The following ANGPT1 variants were observed in gnomAD, a reference collection of about 807,000 sequenced individuals.
ANGPT1 encodes angiopoietin 1, also known as angiopoietin-1.
Under a neutral mutation model 62.2 loss-of-function variants are expected in ANGPT1, and 17 were observed. The observed-to-expected ratio is 0.27, with a 90% CI of 0.19 to 0.41. The LOEUF is 0.41. Ranked by LOEUF, ANGPT1 falls within the 10% of genes least tolerant of loss-of-function variation. The probability of loss-of-function intolerance (pLI) is 1.00; values close to 1 mark genes in which losing one functional copy is unlikely to be tolerated. For missense variants in ANGPT1, 478 were observed against 594.9 expected (o/e 0.80, Z 2.04); for synonymous variants, 199 against 198.9 (o/e 1.00, Z 0.00).
intron 1 of ANGPT1, among the ~76,000 whole-genome samples, chr8:107,404,926 T>C (rs527256765): frequency 1.3e-5 from 2 of 152,188 alleles, no homozygotes; most frequent in South Asian, 2.1e-4. Flanking sequence ...AGTAGTGACA[T>C]TGAACTTCTT....
chr8:107,437,059 G>T lies in ANGPT1; in HGVS notation c.297+60203C>A, dbSNP rs1445295953. Among the ~76,000 whole-genome samples, 7 of 152,106 alleles carry T rather than the reference G, an allele frequency of 4.6e-5. No individual in the cohort carries two copies. In the South Asian group the frequency reaches 6.2e-4, roughly 14 times the overall value. On this transcript the variant is annotated intron_variant, in intron 1 of 8. Coordinates refer to ENST00000517746, the MANE Select transcript of ANGPT1 (RefSeq NM_001146.5). ...ATAGTTACATTTCACACCAGGAACT[G>T]CTGGTTGGGTCAGAAACTGAGGGAC...
At chr8:107,336,092 A>T in intron 3 of ANGPT1, 58 bp downstream of exon 3, 1 of 1,479,088 alleles carries the variant, frequency 6.8e-7, no homozygotes, top group Non-Finnish European at 9.0e-7. Context: ...GTTGGCAGAG[A>T]GGTGAAGGAT....
intron 1 of ANGPT1, among the ~76,000 whole-genome samples, chr8:107,373,501 G>A (rs559559134): frequency 7.2e-5 from 11 of 152,262 alleles, no homozygotes; most frequent in African/African-American, 2.6e-4. Context: ...CTGTCATGTT[G>A]GAAGAAGGAA....
chr8:107,309,272 T>C (rs1457009180), intron 4 of ANGPT1, among the ~76,000 whole-genome samples: 1 of 152,180 alleles, frequency 6.6e-6, no homozygotes, highest in Non-Finnish European at 1.5e-5. Flanking sequence ...TCAAGGATAG[T>C]CCTTGAGACA....
chr8:107,279,960 G>A (rs1445802005), intron 7 of ANGPT1, among the ~76,000 whole-genome samples: 1 of 151,772 alleles, frequency 6.6e-6, no homozygotes, highest in East Asian at 1.9e-4. Context: ...GGTTGAGAAG[G>A]GAGAGGTCCC....
chr8:107,418,601 T>C (rs1250029407), intron 1 of ANGPT1, among the ~76,000 whole-genome samples: 2 of 152,184 alleles, frequency 1.3e-5, no homozygotes, highest in Non-Finnish European at 2.9e-5. Flanking sequence ...GTCAAAACTA[T>C]CTGGAAAATC....
At chr8:107,372,760 C>T (rs1266370219) in intron 1 of ANGPT1, among the ~76,000 whole-genome samples, 1 of 151,634 alleles carries the variant, frequency 6.6e-6, no homozygotes, top group East Asian at 1.9e-4. Context: ...AAGATACTTT[C>T]CTCTTGGTTA....
At chr8:107,464,459 C>G (rs530151211) in intron 1 of ANGPT1, among the ~76,000 whole-genome samples, 1 of 151,936 alleles carries the variant, frequency 6.6e-6, no homozygotes, top group Non-Finnish European at 1.5e-5. Context: ...TTCATTTATT[C>G]ATTCATTCAA....
rs1813232871 is a variant in ANGPT1, at chr8:107,250,768, T to C, written c.*1087A>G. On this transcript the variant is annotated 3_prime_UTR_variant, in exon 9 of 9. Transcript: ENST00000517746. The stretch of plus-strand genomic sequence containing the variant: ...TGTGAATCTGGTAAGCATGTTTCAG[T>C]TAATTAGCAAAATTTAAATTAGCAA... 1 of 152,114 alleles carries C rather than the reference T, an allele frequency of 6.6e-6. No homozygotes were observed. The highest frequency in any genetic ancestry group is 1.5e-5 in the Non-Finnish European group (1 of 67,982). 9.4% of individuals were successfully genotyped at this position (152,114 alleles called of 1,614,324 possible).
intron 3 of ANGPT1, among the ~76,000 whole-genome samples, chr8:107,326,961 A>C (rs1213415872): frequency 6.6e-6 from 1 of 152,110 alleles, no homozygotes; most frequent in African/African-American, 2.4e-5. Flanking sequence ...TTAACACACT[A>C]TAATCTCTTC....
chr8:107,266,601 G>C (rs1813619335), intron 7 of ANGPT1, among the ~76,000 whole-genome samples: 1 of 152,182 alleles, frequency 6.6e-6, no homozygotes, highest in Non-Finnish European at 1.5e-5. Context: ...AGGCGCTCTT[G>C]AATGAGCAAT....
intron 1 of ANGPT1, among the ~76,000 whole-genome samples, chr8:107,390,729 C>T (rs1427143565): frequency 4.6e-5 from 7 of 152,132 alleles, no homozygotes; most frequent in South Asian, 2.1e-4. Context: ...TAATAACTCA[C>T]GTAATTCTTA....
At chr8:107,428,664 G>A (rs1030586402) in intron 1 of ANGPT1, among the ~76,000 whole-genome samples, 4 of 149,362 alleles carry the variant, frequency 2.7e-5, no homozygotes, top group Non-Finnish European at 4.4e-5. Context: ...GTGTGTTTTC[G>A]AGTGCTATAA....
intron 1 of ANGPT1, among the ~76,000 whole-genome samples, chr8:107,370,734 AAG>A (rs1563591492): frequency 6.7e-6 from 1 of 150,254 alleles, no homozygotes; most frequent in Non-Finnish European, 1.5e-5. Flanking sequence ...AGGAAGAAGA[AAG>A]GAAGGAAGAA....
intron 2 of ANGPT1, among the ~76,000 whole-genome samples, chr8:107,344,272 T>A (rs1815756969): frequency 6.6e-6 from 1 of 152,116 alleles, no homozygotes; most frequent in South Asian, 2.1e-4. Flanking sequence ...AGAAATAGAA[T>A]GACACTATAG....
At chr8:107,424,419 G>T (rs2130387016) in intron 1 of ANGPT1, among the ~76,000 whole-genome samples, 1 of 152,262 alleles carries the variant, frequency 6.6e-6, no homozygotes, top group South Asian at 2.1e-4. Flanking sequence ...ACTGTACTCA[G>T]GGATCCTCAA....
intron 1 of ANGPT1, among the ~76,000 whole-genome samples, chr8:107,378,191 ATGG>A (rs1318614054): frequency 1.3e-5 from 2 of 152,242 alleles, no homozygotes; most frequent in African/African-American, 2.4e-5. Flanking sequence ...TGGTTTAAAA[ATGG>A]TGAAGGGAGT....
At chr8:107,418,831 A>G (rs1369129232) in intron 1 of ANGPT1, among the ~76,000 whole-genome samples, 1 of 152,202 alleles carries the variant, frequency 6.6e-6, no homozygotes, top group African/African-American at 2.4e-5. Flanking sequence ...TCAACTTCCC[A>G]GAACTAATAG....
chr8:107,474,665 G>T (rs1350284679), intron 1 of ANGPT1, among the ~76,000 whole-genome samples: 1 of 152,190 alleles, frequency 6.6e-6, no homozygotes, highest in East Asian at 1.9e-4. Context: ...CAGATGACAT[G>T]ATTGGATATC....
Sources: gnomAD v4.1 joint callset for allele counts (sites outside exome capture counted in the v4.1 genomes callset) on GRCh38, gnomAD v4.1.1 for gene constraint, MANE v1.5 for transcripts, NCBI Gene and HGNC (gene_info 2026-07-23, HGNC 2026-07-21) for gene names.